Variants in PHF11 observed in about 807,000 individuals in gnomAD.
PHF11 encodes the protein BRCA1 C-terminus-associated protein.
Under a neutral mutation model 40.5 loss-of-function variants are expected in PHF11, and 38 were observed. That is an observed-to-expected ratio of 0.94 (90% CI 0.72 to 1.23). The LOEUF (loss-of-function observed/expected upper bound fraction) is 1.23. Among genes scored for constraint, PHF11 ranks in the 50% most tolerant of loss-of-function variants. The pLI is 0.00. For missense variants in PHF11, 369 were observed against 392.4 expected, an observed-to-expected ratio of 0.94 and a Z score of 0.50; for synonymous variants, 127 against 138.2, an observed-to-expected ratio of 0.92 and a Z score of 0.57.
At chr13:49,515,251 G>A (rs1959136150) in intron 3 of PHF11, among the ~76,000 whole-genome samples, 1 of 152,046 alleles carries the variant, frequency 6.6e-6, no homozygotes, top group Non-Finnish European at 1.5e-5. Context: ...TATGTGGGCA[G>A]ATACATGGCA....
chr13:49,522,927 G>C (rs1342803146), intron 6 of PHF11, among the ~76,000 whole-genome samples: 1 of 151,754 alleles, frequency 6.6e-6, no homozygotes, highest in African/African-American at 2.4e-5. Context: ...ACCACGCCTG[G>C]CTAATTTTTG....
At chr13:49,523,486 C>A in intron 7 of PHF11, 1 of 495,944 alleles carries the variant, frequency 2.0e-6, no homozygotes, top group Non-Finnish European at 3.5e-6. Flanking sequence ...AATAAAGACA[C>A]AGACAGGCTT....
chr13:49,517,728 A>AAGAC (rs1418405107), intron 3 of PHF11, among the ~76,000 whole-genome samples: 1 of 152,204 alleles, frequency 6.6e-6, no homozygotes, highest in Non-Finnish European at 1.5e-5. Flanking sequence ...TTCTTTTTAA[A>AAGAC]AGACAGAGAC....
chr13:49,502,124 A>T (rs1383835415), intron 1 of PHF11, among the ~76,000 whole-genome samples: 1 of 152,072 alleles, frequency 6.6e-6, no homozygotes, highest in East Asian at 1.9e-4. Flanking sequence ...ACATGGCAAG[A>T]TCCCTCCTCT....
At chr13:49,512,101 G>C (rs889531625) in intron 2 of PHF11, among the ~76,000 whole-genome samples, 4 of 152,170 alleles carry the variant, frequency 2.6e-5, no homozygotes, top group African/African-American at 9.7e-5. Context: ...GATATATATT[G>C]CATCTCACTA....
At chr13:49,510,985 A>C (rs919863184) in intron 2 of PHF11, among the ~76,000 whole-genome samples, 2 of 152,202 alleles carry the variant, frequency 1.3e-5, no homozygotes, top group African/African-American at 4.8e-5. Flanking sequence ...TGTTCTGTGC[A>C]ATCAATTCCT....
intron 2 of PHF11, among the ~76,000 whole-genome samples, chr13:49,510,408 T>A (rs1189332461): frequency 4.6e-5 from 7 of 152,234 alleles, no homozygotes; most frequent in Non-Finnish European, 1.0e-4. Context: ...TTTATTCTGT[T>A]AGTAATGTGT....
chr13:49,519,578 T>G (rs1006781871), intron 4 of PHF11, among the ~76,000 whole-genome samples: 1 of 151,902 alleles, frequency 6.6e-6, no homozygotes, highest in African/African-American at 2.4e-5. Context: ...GAATAAAATA[T>G]AGATTGAACC....
chr13:49,519,869 T>C (rs187546431), intron 4 of PHF11, among the ~76,000 whole-genome samples: 5 of 152,234 alleles, frequency 3.3e-5, no homozygotes, highest in Admixed American at 2.6e-4. Flanking sequence ...GAAGACTGCA[T>C]GGAGGAGGTG....
chr13:49,526,443 G>C lies in PHF11; in HGVS notation c.826G>C (p.Val276Leu). 6.2e-7 allele frequency: 1 copy of C among 1,602,416 alleles called. No homozygotes were observed. The highest frequency in any genetic ancestry group is 8.6e-7 in the Non-Finnish European group (1 of 1,169,416). ...FDCRLFEDTFVNFQAAIEKKI... is the reference protein window; with the variant it reads ...FDCRLFEDTFLNFQAAIEKKI... ...CTGTAGATTGTTCGAAGACACATTT[G>C]TAAATTTTCAAGCAGGTATATGAGT... Residue 276 changes from valine (V) to leucine (L), a missense_variant, in exon 9 of 10, where the codon GTA becomes CTA. Physicochemically the swap from Val to Leu is conservative, Grantham distance 32 (BLOSUM62 1). Coordinates refer to ENST00000378319, the MANE Select transcript of PHF11 (RefSeq NM_001040443.3).
intron 9 of PHF11, among the ~76,000 whole-genome samples, 161 bp downstream of exon 9, chr13:49,526,619 CT>C (rs1959297137): frequency 6.8e-6 from 1 of 147,966 alleles, no homozygotes; most frequent in Admixed American, 6.8e-5. Flanking sequence ...CCCCGCCCAC[CT>C]GCCCACACAC....
rs1390118817 is a variant in PHF11, at chr13:49,496,024, G to A, written c.23G>A (p.Arg8Gln). 1.4e-6 allele frequency: 2 copies of A among 1,463,740 alleles called. No homozygotes were observed. Among genetic ancestry groups the A allele is most frequent in the East Asian group, 3.1e-5 (1 of 32,054 alleles). The allele number at this position is 1,463,740 out of a possible 1,614,324, so 90.7% of individuals were successfully genotyped here. A position where few individuals can be genotyped will look rare whatever the true frequency, so the allele number is the denominator to read the frequency against. ...GTCATGGCCCAGGCGTCGCCGCCCC[G>A]GCCCGAGAGGGTGCTCGGCGCCAGC... MAQASPP[R>Q]PERVLGASSP... Residue 8 changes from arginine to glutamine, a missense_variant, in exon 1 of 10, where the codon CGG becomes CAG. Coordinates refer to ENST00000378319, the MANE Select transcript of PHF11 (RefSeq NM_001040443.3).
intron 2 of PHF11, among the ~76,000 whole-genome samples, chr13:49,510,776 G>A (rs186743063): frequency 1.9e-4 from 29 of 152,288 alleles, no homozygotes; most frequent in African/African-American, 5.8e-4. Flanking sequence ...CAGCCCAATC[G>A]TGATGTTTTT....
At chr13:49,504,174 G>T (rs1401851448) in intron 1 of PHF11, among the ~76,000 whole-genome samples, 1 of 152,074 alleles carries the variant, frequency 6.6e-6, no homozygotes, top group Non-Finnish European at 1.5e-5. Context: ...CTCAGGCTGG[G>T]TGCAGTGGCT....
intron 4 of PHF11, among the ~76,000 whole-genome samples, chr13:49,519,507 G>A (rs1005456311): frequency 1.3e-5 from 2 of 152,090 alleles, no homozygotes; most frequent in Admixed American, 6.6e-5. Context: ...TTTTTAAACT[G>A]AATTTAAACC....
chr13:49,495,984 C>G lies in PHF11; in HGVS notation c.-18C>G. ...GGGATCTCGCTATCCGGCCGCCACC[C>G]GCAGCTGCAGCACAGTCATGGCCCA... is the stretch of plus-strand genomic sequence containing the variant. On this transcript the variant is annotated 5_prime_UTR_variant, in exon 1 of 10. Coordinates refer to ENST00000378319, the MANE Select transcript of PHF11 (RefSeq NM_001040443.3). The G allele has an allele frequency of 2.0e-6, 3 of 1,486,832 alleles. No homozygotes were observed. Among genetic ancestry groups the G allele is most frequent in the Non-Finnish European group, 2.7e-6 (3 of 1,118,408 alleles). The allele number at this position is 1,486,832 out of a possible 1,614,324, so 92.1% of individuals were successfully genotyped here. A position where few individuals can be genotyped will look rare whatever the true frequency, so the allele number is the denominator to read the frequency against.
At chr13:49,518,331 T>C (rs1277517841) in intron 4 of PHF11, 180 bp downstream of exon 4, 1 of 284,952 alleles carries the variant, frequency 3.5e-6, no homozygotes, top group Admixed American at 5.0e-5. Flanking sequence ...AATCTATATA[T>C]ATATATATAT....
rs1434165074 is a variant in PHF11, at chr13:49,496,109, G to A, written c.94+14G>A. The A allele has an allele frequency of 2.0e-5, 3 of 153,258 alleles. No individual in the cohort carries two copies. Among genetic ancestry groups the A allele is most frequent in the Non-Finnish European group, 2.4e-5 (3 of 126,968 alleles). The allele number at this position is 153,258 out of a possible 1,614,324, so 9.5% of individuals were successfully genotyped here. On this transcript the variant is annotated intron_variant, in intron 1 of 9. Transcript: ENST00000378319. The stretch of plus-strand genomic sequence containing the variant: ...TCCTTCCCACCGGTGTGTACCGCGG[G>A]GGCGGGCGGGCGGGCGGGCGGGGCT...
intron 2 of PHF11, among the ~76,000 whole-genome samples, chr13:49,508,536 TTTTTG>T (rs999276270): frequency 3.0e-4 from 45 of 151,312 alleles, no homozygotes; most frequent in East Asian, 1.9e-3. Context: ...CTGGGCAAGT[TTTTTG>T]TTTTGTTTTG....
Sources: allele counts gnomAD v4.1 joint callset (sites outside exome capture counted in the v4.1 genomes callset), GRCh38; gene constraint gnomAD v4.1.1; transcripts MANE v1.5; gene names NCBI Gene and HGNC (gene_info 2026-07-23, HGNC 2026-07-21).